Variants in ARMC2 observed in about 807,000 individuals in gnomAD.
ARMC2 encodes armadillo repeat containing 2.
ARMC2 carries 67 observed loss-of-function variants against 90.3 expected under a neutral mutation model. The ratio of observed to expected loss-of-function variants is 0.74; its 90% CI spans 0.61 to 0.91. ARMC2 has a LOEUF of 0.91. Among genes scored for constraint, ARMC2 ranks in the 40% least tolerant of loss-of-function variants. ARMC2 has a pLI of 0.00. For synonymous variants in ARMC2, 393 were observed against 393.0 expected, an observed-to-expected ratio of 1.00 and a Z score of 0.00; for missense variants, 920 against 1,030.9, an observed-to-expected ratio of 0.89 and a Z score of 1.47.
At chr6:108,869,490 G>A (rs547795300) in intron 4 of ARMC2, among the ~76,000 whole-genome samples, 18 of 152,176 alleles carry the variant, frequency 1.2e-4, no homozygotes, top group East Asian at 3.9e-4. Flanking sequence ...CGTGGGTGAC[G>A]AGCAAGACTG....
At chr6:108,920,265 C>G (rs1774421370) in intron 10 of ARMC2, among the ~76,000 whole-genome samples, 1 of 152,176 alleles carries the variant, frequency 6.6e-6, no homozygotes, top group Admixed American at 6.5e-5. Context: ...TCTCAGCTCA[C>G]TGCAACCTCC....
intron 1 of ARMC2, 159 bp downstream of exon 1, chr6:108,848,705 CG>C (rs1164649410): frequency 6.5e-6 from 1 of 152,768 alleles, no homozygotes; most frequent in Non-Finnish European, 1.5e-5. Context: ...ACGCTGGCTG[CG>C]GGGCGAAGTG....
At chr6:108,912,160 T>C (rs1000519027) in intron 9 of ARMC2, among the ~76,000 whole-genome samples, 175 bp from the exon 10 acceptor site, 1 of 152,202 alleles carries the variant, frequency 6.6e-6, no homozygotes, top group Non-Finnish European at 1.5e-5. Flanking sequence ...CAGAGACTTA[T>C]CTTAGCTAAA....
At chr6:108,874,524 G>T (rs1272092556) in intron 4 of ARMC2, among the ~76,000 whole-genome samples, 2 of 152,206 alleles carry the variant, frequency 1.3e-5, no homozygotes, top group African/African-American at 2.4e-5. Context: ...TATGGAGAGA[G>T]CCCTAGCCCA....
At chr6:108,962,529 A>G (rs1271213536) in intron 15 of ARMC2, among the ~76,000 whole-genome samples, 1 of 152,242 alleles carries the variant, frequency 6.6e-6, no homozygotes, top group African/African-American at 2.4e-5. Flanking sequence ...TATTCATGCA[A>G]TAAAATGTTC....
At chr6:109,033,369 CTTCT>C in the ARMC2 span, among the ~76,000 whole-genome samples, 9 of 152,180 alleles carry the variant, frequency 5.9e-5, no homozygotes, top group South Asian at 4.1e-4. Flanking sequence ...AAGCCTCTTG[CTTCT>C]TTCTAACTTT....
the ARMC2 span, among the ~76,000 whole-genome samples, chr6:108,995,280 A>T: frequency 6.6e-6 from 1 of 152,222 alleles, no homozygotes. Context: ...TAAGATACAC[A>T]AAGTATAAGT....
the ARMC2 span, among the ~76,000 whole-genome samples, chr6:109,012,983 G>C: frequency 6.6e-6 from 1 of 152,020 alleles, no homozygotes; most frequent in Non-Finnish European, 1.5e-5. Flanking sequence ...GGGCGTGGTG[G>C]TGTGCGCCTG....
At chr6:108,984,023 A>G in the ARMC2 span, among the ~76,000 whole-genome samples, 1 of 152,214 alleles carries the variant, frequency 6.6e-6, no homozygotes, top group African/African-American at 2.4e-5. Flanking sequence ...GATCAGCTGC[A>G]GCACTGGATT....
chr6:108,936,430 T>C (rs1775967195), intron 11 of ARMC2, among the ~76,000 whole-genome samples: 2 of 152,126 alleles, frequency 1.3e-5, no homozygotes, highest in Admixed American at 1.3e-4. Flanking sequence ...CTAATTTTTG[T>C]ATTTTTGTAG....
the ARMC2 span, among the ~76,000 whole-genome samples, chr6:108,996,772 C>T: frequency 6.6e-6 from 1 of 152,086 alleles, no homozygotes; most frequent in Non-Finnish European, 1.5e-5. Flanking sequence ...AATACACCAA[C>T]ACTTAGAAGC....
intron 10 of ARMC2, among the ~76,000 whole-genome samples, chr6:108,922,328 G>A (rs552178990): frequency 6.6e-6 from 1 of 151,832 alleles, no homozygotes; most frequent in Non-Finnish European, 1.5e-5. Flanking sequence ...GTGCGGTGGT[G>A]CGATCAAAGG....
intron 10 of ARMC2, among the ~76,000 whole-genome samples, chr6:108,915,355 A>G (rs1333102400): frequency 1.3e-5 from 2 of 152,162 alleles, no homozygotes; most frequent in Non-Finnish European, 2.9e-5. Flanking sequence ...CAGAGAGAAC[A>G]TGACGAGGGC....
intron 5 of ARMC2, among the ~76,000 whole-genome samples, chr6:108,885,559 G>A (rs956412538): frequency 1.3e-5 from 2 of 151,630 alleles, no homozygotes; most frequent in Non-Finnish European, 2.9e-5. Context: ...GTGTAGTCCC[G>A]GCTACTTGGG....
the ARMC2 span, chr6:109,009,546 C>G: frequency 3.9e-6 from 4 of 1,030,704 alleles, no homozygotes; most frequent in Non-Finnish European, 4.5e-6. Context: ...CCTCAGTCAG[C>G]ACGGACGGCG....
chr6:108,929,671 C>T (rs973728094), intron 11 of ARMC2, among the ~76,000 whole-genome samples: 11 of 152,058 alleles, frequency 7.2e-5, no homozygotes, highest in African/African-American at 2.2e-4. Flanking sequence ...TTTGTGGAAA[C>T]GAAGTCTTGC....
chr6:109,030,466 A>G, the ARMC2 span, among the ~76,000 whole-genome samples: 1 of 152,216 alleles, frequency 6.6e-6, no homozygotes, highest in Non-Finnish European at 1.5e-5. Flanking sequence ...GTATCAATAG[A>G]TGAGGCACCT....
chr6:108,900,810 ATGAGG>A (rs1318295311), intron 7 of ARMC2, among the ~76,000 whole-genome samples: 2 of 152,140 alleles, frequency 1.3e-5, no homozygotes, highest in African/African-American at 4.8e-5. Flanking sequence ...CACCTGCCAG[ATGAGG>A]TGGAGATTAG....
the ARMC2 span, among the ~76,000 whole-genome samples, chr6:109,037,550 T>G: frequency 6.6e-6 from 1 of 152,234 alleles, no homozygotes; most frequent in Non-Finnish European, 1.5e-5. Flanking sequence ...ATTTCAGAGC[T>G]AAAACAATTA....
Sources: allele counts gnomAD v4.1 joint callset (sites outside exome capture counted in the v4.1 genomes callset), GRCh38; gene constraint gnomAD v4.1.1; transcripts MANE v1.5; gene names NCBI Gene and HGNC (gene_info 2026-07-23, HGNC 2026-07-21).